Variants in TINAG observed in about 807,000 individuals in gnomAD.
TINAG encodes the protein tubulointerstitial nephritis antigen.
TINAG carries 83 observed loss-of-function variants against 72.7 expected under a neutral mutation model. The observed-to-expected ratio is 1.14, with a 90% CI of 0.96 to 1.37. The LOEUF (loss-of-function observed/expected upper bound fraction) is 1.37. Among genes scored for constraint, TINAG ranks in the 40% most tolerant of loss-of-function variants. The pLI is 0.00. For missense variants in TINAG, 685 were observed against 576.6 expected (o/e 1.19, Z -1.93); for synonymous variants, 234 against 189.9 (o/e 1.23, Z -1.91).
chr6:54,348,708 A>G (rs1370901688), intron 6 of TINAG, among the ~76,000 whole-genome samples: 5 of 152,096 alleles, frequency 3.3e-5, no homozygotes, highest in Non-Finnish European at 2.9e-5. Flanking sequence ...CCTACCTCCA[A>G]ATATCATTAC....
At chr6:54,365,672 G>C (rs538517763) in intron 9 of TINAG, among the ~76,000 whole-genome samples, 2 of 151,688 alleles carry the variant, frequency 1.3e-5, no homozygotes, top group South Asian at 4.2e-4. Context: ...AAAATGAAAA[G>C]ATTTGATGGG....
chr6:54,365,975 G>C (rs959777582), intron 9 of TINAG, among the ~76,000 whole-genome samples: 22 of 151,408 alleles, frequency 1.5e-4, no homozygotes, highest in Non-Finnish European at 2.4e-4. Context: ...GAACAGACTG[G>C]GCAACATAGA....
intron 2 of TINAG, 130 bp from the exon 3 acceptor site, chr6:54,321,167 T>A (rs1345437442): frequency 1.4e-6 from 1 of 738,200 alleles, no homozygotes; most frequent in African/African-American, 1.8e-5. Flanking sequence ...TTGCCAAGAA[T>A]CAAATAACCA....
chr6:54,316,912 T>G (rs1784385278), intron 1 of TINAG, among the ~76,000 whole-genome samples: 1 of 152,178 alleles, frequency 6.6e-6, no homozygotes, highest in African/African-American at 2.4e-5. Context: ...ATATATTATT[T>G]GCCTAATATT....
chr6:54,354,103 A>G (rs559406471), intron 8 of TINAG, among the ~76,000 whole-genome samples: 1 of 151,966 alleles, frequency 6.6e-6, no homozygotes, highest in African/African-American at 2.4e-5. Flanking sequence ...ATTAACAACA[A>G]TTGCTTTAAG....
chr6:54,314,941 A>G (rs1784338364), intron 1 of TINAG, among the ~76,000 whole-genome samples: 1 of 152,192 alleles, frequency 6.6e-6, no homozygotes, highest in Admixed American at 6.6e-5. Context: ...CAAAAAGTTC[A>G]CATTAGACTA....
chr6:54,380,309 A>T (rs1763907618), intron 9 of TINAG, among the ~76,000 whole-genome samples: 5 of 152,154 alleles, frequency 3.3e-5, no homozygotes, highest in Admixed American at 3.3e-4. Flanking sequence ...CCATTTATAT[A>T]TAAATGAGTC....
chr6:54,335,501 T>C (rs1182888482), intron 4 of TINAG, among the ~76,000 whole-genome samples: 2 of 152,210 alleles, frequency 1.3e-5, no homozygotes, highest in Non-Finnish European at 2.9e-5. Context: ...TAGGGCATGG[T>C]AGTTAGGACT....
intron 3 of TINAG, among the ~76,000 whole-genome samples, chr6:54,321,756 C>T (rs1242935278): frequency 6.6e-6 from 1 of 152,140 alleles, no homozygotes; most frequent in Non-Finnish European, 1.5e-5. Flanking sequence ...CAATCACATG[C>T]TTAGCTATCA....
At chr6:54,340,042 C>A (rs908257157) in intron 4 of TINAG, among the ~76,000 whole-genome samples, 2 of 152,114 alleles carry the variant, frequency 1.3e-5, no homozygotes, top group Admixed American at 1.3e-4. Context: ...TTCCACCACT[C>A]TTTTAGAGAT....
intron 4 of TINAG, among the ~76,000 whole-genome samples, chr6:54,337,484 C>A (rs1285538188): frequency 6.6e-6 from 1 of 151,960 alleles, no homozygotes; most frequent in Non-Finnish European, 1.5e-5. Context: ...GAACTCCTGC[C>A]CTCAGGTGAT....
chr6:54,346,657 ACTT>A (rs1405981517), intron 5 of TINAG, among the ~76,000 whole-genome samples: 2 of 151,804 alleles, frequency 1.3e-5, no homozygotes, highest in African/African-American at 4.8e-5. Context: ...AAATATATTC[ACTT>A]CGTTTTATAT....
intron 1 of TINAG, among the ~76,000 whole-genome samples, chr6:54,318,843 G>A (rs1040564788): frequency 2.6e-5 from 4 of 152,132 alleles, no homozygotes; most frequent in African/African-American, 4.8e-5. Flanking sequence ...ACCGGGGTCC[G>A]AAGTAACTGA....
intron 4 of TINAG, among the ~76,000 whole-genome samples, chr6:54,338,488 G>A (rs987071515): frequency 1.3e-5 from 2 of 151,978 alleles, no homozygotes; most frequent in African/African-American, 2.4e-5. Context: ...TTGGGAGGCC[G>A]AGGTGGGCGG....
chr6:54,341,045 G>A (rs1409996118), intron 4 of TINAG, among the ~76,000 whole-genome samples: 2 of 152,220 alleles, frequency 1.3e-5, no homozygotes, highest in Non-Finnish European at 2.9e-5. Flanking sequence ...TGTGTTTAAA[G>A]TAATAGTTAT....
chr6:54,387,787 A>G (rs1219982578), intron 10 of TINAG, among the ~76,000 whole-genome samples: 1 of 152,202 alleles, frequency 6.6e-6, no homozygotes, highest in East Asian at 1.9e-4. Context: ...TTCCTTTATA[A>G]TTAAATACAA....
intron 1 of TINAG, among the ~76,000 whole-genome samples, chr6:54,318,058 C>T (rs570042136): frequency 2.5e-4 from 38 of 152,170 alleles, no homozygotes; most frequent in East Asian, 2.3e-3. Flanking sequence ...GCCACTCCTT[C>T]GCAGTTTCCT....
chr6:54,360,394 T>C (rs1444024693), intron 9 of TINAG, among the ~76,000 whole-genome samples: 5 of 151,648 alleles, frequency 3.3e-5, no homozygotes, highest in Admixed American at 3.3e-4. Context: ...ACTAAGAAAC[T>C]CCATCGATTA....
intron 1 of TINAG, among the ~76,000 whole-genome samples, chr6:54,318,738 G>A (rs1011566033): frequency 1.3e-5 from 2 of 152,116 alleles, no homozygotes; most frequent in African/African-American, 2.4e-5. Context: ...GGAAATGAGG[G>A]ATCCGTTGGA....
Sources: allele counts gnomAD v4.1 joint callset (sites outside exome capture counted in the v4.1 genomes callset), GRCh38; gene constraint gnomAD v4.1.1; transcripts MANE v1.5; gene names NCBI Gene and HGNC (gene_info 2026-07-23, HGNC 2026-07-21).